Variants in MAP3K19 observed in about 807,000 individuals in gnomAD.
The protein encoded by MAP3K19 is SPS1/STE20-related protein kinase YSK4.
In MAP3K19, 91 loss-of-function variants were observed where a neutral mutation model predicts 114.4. That is an observed-to-expected ratio of 0.80 (90% CI 0.67 to 0.95). The LOEUF (loss-of-function observed/expected upper bound fraction) is 0.95, where lower values mean the gene tolerates loss of function less well. Ranked by LOEUF, MAP3K19 falls within the 40% of genes least tolerant of loss-of-function variation. MAP3K19 has a pLI of 0.00. For missense variants in MAP3K19, 1,471 were observed against 1,573.2 expected (o/e 0.94, Z 1.10); for synonymous variants, 518 against 530.5 (o/e 0.98, Z 0.32).
intron 1 of MAP3K19, among the ~76,000 whole-genome samples, chr2:135,044,792 A>G (rs917845127): frequency 6.6e-6 from 1 of 152,178 alleles, no homozygotes; most frequent in African/African-American, 2.4e-5. Flanking sequence ...CCTCTGCCTG[A>G]TAAGAACCCA....
intron 5 of MAP3K19, among the ~76,000 whole-genome samples, chr2:135,009,695 A>G (rs981171392): frequency 1.3e-5 from 2 of 152,044 alleles, no homozygotes; most frequent in Admixed American, 6.6e-5. Context: ...AAAATCCATA[A>G]TGATGACTAG....
chr2:135,022,829 G>C (rs1168483519), intron 4 of MAP3K19, among the ~76,000 whole-genome samples: 1 of 152,180 alleles, frequency 6.6e-6, no homozygotes, highest in African/African-American at 2.4e-5. Flanking sequence ...CTAATGATAA[G>C]CTGGAAATCA....
intron 6 of MAP3K19, among the ~76,000 whole-genome samples, chr2:135,004,562 A>G (rs1292909611): frequency 6.6e-6 from 1 of 152,240 alleles, no homozygotes; most frequent in African/African-American, 2.4e-5. Context: ...AATAGAAGCC[A>G]GAAGATTGCC....
intron 5 of MAP3K19, among the ~76,000 whole-genome samples, chr2:135,013,428 C>T (rs901420095): frequency 5.3e-5 from 8 of 152,000 alleles, no homozygotes; most frequent in Admixed American, 1.3e-4. Flanking sequence ...CAGAGTGGTA[C>T]ATTTGTTACA....
In MAP3K19 at chr2:134,998,868, A is replaced by G. The variant is rs578020210; in HGVS notation, c.444T>C (p.Ser148=). The G allele has an allele frequency of 2.9e-4, 475 of 1,614,162 alleles. 3 individuals carry two copies. In the South Asian group the frequency reaches 4.6e-3, roughly 16 times the overall value. Residue 148 remains serine, a synonymous_variant, in exon 8 of 13, where the codon AGT becomes AGC. Transcript: ENST00000392915. ...AGTTCACATTGCAGAGCTCCCTGGA[A>G]CTTTCCTCTTTTTGCAAAACTAAGG... ...MRPLVLQKEE[S]SRELCNVNLG...
rs62168902 is a variant in MAP3K19, at chr2:134,968,510, G to A, written c.3921-3594C>T. Among the ~76,000 whole-genome samples, 52 of 148,760 alleles carry A rather than the reference G, an allele frequency of 3.5e-4. 2 individuals carry two copies. The highest frequency in any genetic ancestry group is 9.6e-4 in the African/African-American group (38 of 39,436). ...GGGGCTGACCCCCCACCTCCCTCCCGGACGGGGTGGCTGCCGGGCGGAGAC... is the reference window on the plus strand; with the variant it reads ...GGGGCTGACCCCCCACCTCCCTCCCAGACGGGGTGGCTGCCGGGCGGAGAC... On this transcript the variant is annotated intron_variant, in intron 12 of 12. Coordinates refer to ENST00000392915, the MANE Select transcript of MAP3K19 (RefSeq NM_025052.5).
intron 3 of MAP3K19, among the ~76,000 whole-genome samples, chr2:135,028,324 G>A (rs1432450588): frequency 3.3e-5 from 5 of 152,134 alleles, no homozygotes; most frequent in African/African-American, 9.7e-5. Context: ...AGAAGGCTGA[G>A]GCATGTGGAT....
At chr2:135,045,295 A>C (rs941871193) in intron 1 of MAP3K19, among the ~76,000 whole-genome samples, 2 of 152,222 alleles carry the variant, frequency 1.3e-5, no homozygotes, top group East Asian at 1.9e-4. Context: ...TTTAATAAGC[A>C]GTGTACTTGG....
At chr2:134,992,267 A>G (rs1216380266) in intron 8 of MAP3K19, among the ~76,000 whole-genome samples, 1 of 152,190 alleles carries the variant, frequency 6.6e-6, no homozygotes, top group Non-Finnish European at 1.5e-5. Flanking sequence ...ATATTCTTGT[A>G]TAAGTGTCTC....
rs1187957592 is a variant in MAP3K19, at chr2:134,997,817, C to CAAAAAAAAAAAAAAAAAAAAAAAA, written c.574+920_574+921insTTTTTTTTTTTTTTTTTTTTTTTT. ...CTGGTGACAGAGCGAGACTCCGTCT[C>CAAAAAAAAAAAAAAAAAAAAAAAA]AAAAAAAAAAAAACTTTAAGCACTG... is the stretch of plus-strand genomic sequence containing the variant. On this transcript the variant is annotated intron_variant, in intron 8 of 12. Coordinates refer to ENST00000392915, the MANE Select transcript of MAP3K19 (RefSeq NM_025052.5). Among the ~76,000 whole-genome samples the CAAAAAAAAAAAAAAAAAAAAAAAA allele has an allele frequency of 1.2e-3, 112 of 90,964 alleles. 2 individuals carry two copies. The highest frequency in any genetic ancestry group is 3.6e-3 in the African/African-American group (89 of 24,602). 59.7% of individuals were successfully genotyped at this position (90,964 alleles called of 152,430 possible).
intron 12 of MAP3K19, among the ~76,000 whole-genome samples, chr2:134,973,529 C>A (rs1684015549): frequency 6.6e-6 from 1 of 152,078 alleles, no homozygotes; most frequent in Admixed American, 6.5e-5. Flanking sequence ...AAGTGAGTTT[C>A]TTGAAAGCAG....
intron 12 of MAP3K19, among the ~76,000 whole-genome samples, chr2:134,969,840 T>C (rs1683742510): frequency 6.6e-6 from 1 of 152,234 alleles, no homozygotes; most frequent in African/African-American, 2.4e-5. Context: ...CATCTGCATA[T>C]GAATATGCAC....
At chr2:135,006,399 GAAA>G (rs1333636142) in intron 5 of MAP3K19, among the ~76,000 whole-genome samples, 1 of 152,202 alleles carries the variant, frequency 6.6e-6, no homozygotes, top group Non-Finnish European at 1.5e-5. Context: ...CCTGTCATCT[GAAA>G]TGTCAGAGAA....
Position 134,998,986 on chromosome 2 carries a change from G to A in MAP3K19, c.326C>T (p.Ser109Leu). ...TGCTTGTGCCCATTCTTGAAGCGAT[G>A]AGTTTATCAGACTAAAGGGGGAGGG... ...EDLKEKNLIN[S>L]SLQEWAQAHA... is the part of the protein sequence containing the mutation. The change falls in exon 8 of 13, where the codon TCA (serine) becomes TTA (leucine). Residue 109 changes from serine (S) to leucine (L), a missense_variant. By Grantham distance (145) the Ser-to-Leu change is moderately radical. Transcript: ENST00000392915. 1 of 1,611,954 alleles carries A rather than the reference G, an allele frequency of 6.2e-7. No individual in the cohort carries two copies. Among genetic ancestry groups the A allele is most frequent in the African/African-American group, 1.3e-5 (1 of 74,756 alleles).
At chr2:135,005,591 C>A in intron 5 of MAP3K19, 60 bp from the exon 6 acceptor site, 3 of 1,319,542 alleles carry the variant, frequency 2.3e-6, no homozygotes, top group Non-Finnish European at 3.3e-6. Flanking sequence ...AGTTTGTTGG[C>A]AGAGTGAATG....
rs999407726 is a variant in MAP3K19, at chr2:134,981,003, C to A, written c.3738G>T (p.Arg1246=). 3.7e-6 allele frequency: 6 copies of A among 1,614,200 alleles called. No homozygotes were observed. Among genetic ancestry groups the A allele is most frequent in the Non-Finnish European group, 5.1e-6 (6 of 1,180,042 alleles). Residue 1246 remains arginine, a synonymous_variant, in exon 12 of 13, where the codon CGG becomes CGT. Coordinates refer to ENST00000392915, the MANE Select transcript of MAP3K19 (RefSeq NM_025052.5). ...PEVINESGYG[R]KSDIWSIGCT... is the part of the protein sequence containing the mutation. ...AACCAATGCTCCAGATATCTGATTT[C>A]CGTCCATAGCCAGACTCATTGATGA...
chr2:134,968,552 A>T, intron 12 of MAP3K19, among the ~76,000 whole-genome samples: 1 of 149,452 alleles, frequency 6.7e-6, no homozygotes, highest in African/African-American at 2.5e-5. Flanking sequence ...CACTTCCCAG[A>T]CGGGGTGGCT....
intron 8 of MAP3K19, among the ~76,000 whole-genome samples, chr2:134,995,628 A>G (rs1454106733): frequency 1.3e-5 from 2 of 152,242 alleles, no homozygotes; most frequent in African/African-American, 2.4e-5. Context: ...AAAAGTAAGC[A>G]AATGAAGAAA....
intron 2 of MAP3K19, among the ~76,000 whole-genome samples, chr2:135,033,852 C>G (rs200963355): frequency 3.4e-5 from 1 of 29,280 alleles, no homozygotes; most frequent in Non-Finnish European, 5.3e-5. Flanking sequence ...CCCTCCCGGA[C>G]GGGGTGGCTG....
Sources: allele counts gnomAD v4.1 joint callset (sites outside exome capture counted in the v4.1 genomes callset), GRCh38; gene constraint gnomAD v4.1.1; transcripts MANE v1.5; gene names NCBI Gene and HGNC (gene_info 2026-07-23, HGNC 2026-07-21).